Variants in TRAPPC9 observed in about 807,000 individuals in gnomAD.
TRAPPC9 encodes the protein IKK2 binding protein.
In TRAPPC9, 83 loss-of-function variants were observed where a neutral mutation model predicts 124.0. That is an observed-to-expected ratio of 0.67 (90% confidence interval 0.56 to 0.80). The LOEUF (loss-of-function observed/expected upper bound fraction) is 0.80, where lower values mean the gene tolerates loss of function less well. Among genes scored for constraint, TRAPPC9 ranks in the 30% least tolerant of loss-of-function variants. The probability of loss-of-function intolerance (pLI) is 0.00; values close to 1 mark genes in which losing one functional copy is unlikely to be tolerated. For synonymous variants in TRAPPC9, 638 were observed against 617.5 expected, an observed-to-expected ratio of 1.03 and a Z score of -0.49; for missense variants, 1,302 against 1,508.3, an observed-to-expected ratio of 0.86 and a Z score of 2.27.
Position 139,822,218 on chromosome 8 carries a change from G to T in TRAPPC9, c.3055+63661C>A, listed in dbSNP as rs544158359. 2.6e-5 allele frequency among the ~76,000 whole-genome samples: 4 copies of T among 152,224 alleles called. No homozygotes were observed. The East Asian group carries it at 7.8e-4, about 30-fold the overall frequency. On this transcript the variant is annotated intron_variant, in intron 21 of 22. Coordinates refer to ENST00000438773, the MANE Select transcript of TRAPPC9 (RefSeq NM_001160372.4). ...CAGTCCCTTCCTCAATCCTGTATTA[G>T]CATCTACTCCAGGCCAAACACCAGC... is the stretch of plus-strand genomic sequence containing the variant.
At position 140,440,424 on chromosome 8, in the gene TRAPPC9, T is replaced by C. The variant is rs530272948; in HGVS notation, c.585-1227A>G. 8.5e-5 allele frequency among the ~76,000 whole-genome samples: 13 copies of C among 152,100 alleles called. No homozygotes were observed. The South Asian group carries it at 2.5e-3, about 29-fold the overall frequency. The stretch of plus-strand genomic sequence containing the variant: ...CAGGAGGCTGAGGCAGGAGAATCAC[T>C]TGAACCCGGGAGGCGGAGGTTGCAG... On this transcript the variant is annotated intron_variant, in intron 2 of 22. Coordinates refer to ENST00000438773, the MANE Select transcript of TRAPPC9 (RefSeq NM_001160372.4).
intron 19 of TRAPPC9, among the ~76,000 whole-genome samples, chr8:139,972,795 C>G (rs1836188088): frequency 1.3e-5 from 2 of 152,204 alleles, no homozygotes; most frequent in African/African-American, 4.8e-5. Context: ...ATGGAGGATG[C>G]AAAATAAACA....
intron 10 of TRAPPC9, among the ~76,000 whole-genome samples, chr8:140,304,156 A>G (rs1011286081): frequency 6.7e-6 from 1 of 149,794 alleles, no homozygotes; most frequent in Non-Finnish European, 1.5e-5. Context: ...ATGCAGTGGC[A>G]TGATCTTGGC....
At position 139,978,372 on chromosome 8, in the gene TRAPPC9, G is replaced by C. The variant is rs193196457; in HGVS notation, c.2810+10354C>G. On this transcript the variant is annotated intron_variant, in intron 19 of 22. Coordinates refer to ENST00000438773, the MANE Select transcript of TRAPPC9 (RefSeq NM_001160372.4). The stretch of plus-strand genomic sequence containing the variant: ...AGGAAATAGGTCACTGAGACAACCG[G>C]AAATTTAAACACCGGCTGGGTACTT... Among the ~76,000 whole-genome samples the C allele has an allele frequency of 4.9e-4, 75 of 152,310 alleles. 1 individual carries two copies. The highest frequency in any genetic ancestry group is 1.7e-3 in the African/African-American group (72 of 41,556).
At chr8:139,889,224 G>A (rs1159770859) in intron 20 of TRAPPC9, among the ~76,000 whole-genome samples, 1 of 152,172 alleles carries the variant, frequency 6.6e-6, no homozygotes, top group Non-Finnish European at 1.5e-5. Flanking sequence ...TGATTCCACC[G>A]ATCTGAGGCA....
intron 10 of TRAPPC9, among the ~76,000 whole-genome samples, chr8:140,307,267 A>C (rs1184370119): frequency 1.3e-5 from 2 of 152,230 alleles, no homozygotes; most frequent in Non-Finnish European, 2.9e-5. Context: ...CCAACACTGC[A>C]GCGGACAGAG....
intron 21 of TRAPPC9, among the ~76,000 whole-genome samples, chr8:139,811,305 A>T (rs1190163350): frequency 6.6e-6 from 1 of 152,238 alleles, no homozygotes; most frequent in East Asian, 1.9e-4. Flanking sequence ...AGCAAAGAAA[A>T]GAAAATTAAA....
At chr8:140,138,920 T>A (rs1015033793) in intron 17 of TRAPPC9, among the ~76,000 whole-genome samples, 3 of 152,096 alleles carry the variant, frequency 2.0e-5, no homozygotes, top group African/African-American at 7.2e-5. Flanking sequence ...GTGTGCAGTC[T>A]GAGGGTGCAG....
At chr8:139,871,622 T>C (rs977203638) in intron 21 of TRAPPC9, among the ~76,000 whole-genome samples, 2 of 152,098 alleles carry the variant, frequency 1.3e-5, no homozygotes, top group African/African-American at 4.8e-5. Flanking sequence ...ACTGCAGAAA[T>C]TACCCTTCCA....
intron 19 of TRAPPC9, among the ~76,000 whole-genome samples, chr8:139,950,903 C>T (rs764261833): frequency 6.6e-6 from 1 of 152,316 alleles, no homozygotes; most frequent in South Asian, 2.1e-4. Context: ...AGAGGAGGCG[C>T]GGCAGGGAGG....
At chr8:139,941,303 C>T (rs558783516) in intron 19 of TRAPPC9, among the ~76,000 whole-genome samples, 1 of 152,338 alleles carries the variant, frequency 6.6e-6, no homozygotes, top group African/African-American at 2.4e-5. Flanking sequence ...CAGAGGCCGT[C>T]AGAGCAGAAG....
At chr8:140,024,870 G>T (rs1450209529) in intron 17 of TRAPPC9, among the ~76,000 whole-genome samples, 1 of 152,198 alleles carries the variant, frequency 6.6e-6, no homozygotes, top group East Asian at 1.9e-4. Flanking sequence ...AGGGTCACTT[G>T]GGCTGACAGT....
At chr8:140,443,944 G>A (rs566390689) in intron 2 of TRAPPC9, among the ~76,000 whole-genome samples, 346 of 149,986 alleles carry the variant, frequency 2.3e-3, no homozygotes, top group Middle Eastern at 6.8e-3. Context: ...ACTGAGGCAG[G>A]AGAATGGCCT....
chr8:140,416,421 C>T (rs1179700542), intron 5 of TRAPPC9, among the ~76,000 whole-genome samples: 2 of 151,972 alleles, frequency 1.3e-5, no homozygotes, highest in Non-Finnish European at 2.9e-5. Context: ...AAGCCAGGGA[C>T]ACAATAATAG....
At position 140,064,831 on chromosome 8, in the gene TRAPPC9, T is replaced by G. The variant is rs529433773; in HGVS notation, c.2557-40752A>C. 2.4e-3 allele frequency among the ~76,000 whole-genome samples: 369 copies of G among 152,310 alleles called. 2 individuals are homozygous for G. Among genetic ancestry groups the G allele is most frequent in the Non-Finnish European group, 3.8e-3 (260 of 68,030 alleles). On this transcript the variant is annotated intron_variant, in intron 17 of 22. Coordinates refer to ENST00000438773, the MANE Select transcript of TRAPPC9 (RefSeq NM_001160372.4). The stretch of plus-strand genomic sequence containing the variant: ...ATACAGTATTATGGCCTGGATGTGC[T>G]GCTAGTATACAAAAGACTCCCCCCA...
At chr8:140,393,467 T>C (rs980237780) in intron 7 of TRAPPC9, among the ~76,000 whole-genome samples, 9 of 152,192 alleles carry the variant, frequency 5.9e-5, no homozygotes, top group Non-Finnish European at 1.3e-4. Flanking sequence ...TGAATTATCT[T>C]AGATAGATAA....
intron 21 of TRAPPC9, among the ~76,000 whole-genome samples, chr8:139,756,025 A>G (rs80334532): frequency 2.3e-3 from 130 of 56,084 alleles, no homozygotes; most frequent in Non-Finnish European, 2.6e-3. Context: ...ACAGCAGGTC[A>G]CAGGAGGAGC....
chr8:140,342,960 C>T (rs541452641), intron 9 of TRAPPC9, among the ~76,000 whole-genome samples: 15 of 152,218 alleles, frequency 9.9e-5, no homozygotes, highest in Middle Eastern at 3.4e-3. Context: ...GCTTTCAACC[C>T]GAACCCCGTA....
At chr8:140,345,936 A>G (rs941059304) in intron 9 of TRAPPC9, among the ~76,000 whole-genome samples, 4 of 152,326 alleles carry the variant, frequency 2.6e-5, no homozygotes, top group Middle Eastern at 3.4e-3. Flanking sequence ...CACCGTGGAC[A>G]TCCGGGGAGA....
Sources: allele counts gnomAD v4.1 joint callset (sites outside exome capture counted in the v4.1 genomes callset), GRCh38; gene constraint gnomAD v4.1.1; transcripts MANE v1.5; gene names NCBI Gene and HGNC (gene_info 2026-07-23, HGNC 2026-07-21).